Variants in SGCE observed in about 807,000 individuals in gnomAD.
The protein encoded by SGCE is epsilon-sarcoglycan.
In SGCE, 26 loss-of-function variants were observed where a neutral mutation model predicts 57.8. The ratio of observed to expected loss-of-function variants is 0.45; its 90% CI spans 0.33 to 0.62. SGCE has a LOEUF of 0.62. Among genes scored for constraint, SGCE ranks in the 20% least tolerant of loss-of-function variants. SGCE has a pLI of 0.02. For synonymous variants in SGCE, 183 were observed against 189.5 expected (o/e 0.97, Z 0.28); for missense variants, 468 against 548.6 (o/e 0.85, Z 1.47).
intron 1 of SGCE, among the ~76,000 whole-genome samples, chr7:94,647,308 C>T (rs145031287): frequency 1.6e-4 from 24 of 152,212 alleles, no homozygotes; most frequent in Admixed American, 9.8e-4. Flanking sequence ...AATCTCCTCC[C>T]GACAAACTTA....
chr7:94,654,994 T>A (rs1168516356), intron 1 of SGCE, among the ~76,000 whole-genome samples: 1 of 152,216 alleles, frequency 6.6e-6, no homozygotes, highest in East Asian at 1.9e-4. Context: ...TCCTTCCTCA[T>A]CAGAATTTTA....
chr7:94,610,245 C>T (rs958802016), intron 5 of SGCE, among the ~76,000 whole-genome samples: 1 of 152,110 alleles, frequency 6.6e-6, no homozygotes, highest in Non-Finnish European at 1.5e-5. Context: ...ACTTTTAAAG[C>T]AGTGAAACTA....
intron 1 of SGCE, among the ~76,000 whole-genome samples, chr7:94,649,498 C>A (rs192703273): frequency 6.6e-6 from 1 of 152,282 alleles, no homozygotes; most frequent in African/African-American, 2.4e-5. Context: ...TTACAAGTAG[C>A]CGCCTGTAGA....
At chr7:94,630,595 T>C (rs1804541349) in intron 1 of SGCE, among the ~76,000 whole-genome samples, 1 of 151,962 alleles carries the variant, frequency 6.6e-6, no homozygotes, top group Non-Finnish European at 1.5e-5. Flanking sequence ...AGACATATGA[T>C]ATGAGTACAT....
chr7:94,614,051 C>T (rs1801475559), intron 5 of SGCE, among the ~76,000 whole-genome samples: 1 of 143,526 alleles, frequency 7.0e-6, no homozygotes, highest in Non-Finnish European at 1.5e-5. Flanking sequence ...TAATAATTCT[C>T]TTGCAAGCCA....
chr7:94,598,983 A>C lies in SGCE; in HGVS notation c.1065-20T>G. 6.3e-7 allele frequency: 1 copy of C among 1,589,846 alleles called. No individual in the cohort carries two copies. The stretch of plus-strand genomic sequence containing the variant: ...TGGATGCTAGGTCAAAAAGAAATAA[A>C]ACAACATATATTTAAAATCATATAT... On this transcript the variant is annotated intron_variant, in intron 8 of 10. Coordinates refer to ENST00000648936, the MANE Select transcript of SGCE (RefSeq NM_003919.3).
chr7:94,625,830 G>A (rs973841909), intron 3 of SGCE: 1 of 151,986 alleles, frequency 6.6e-6, no homozygotes, highest in African/African-American at 2.4e-5. Context: ...CCAGTGTTGT[G>A]CTATACAAAT....
At chr7:94,623,193 T>C in intron 4 of SGCE, 132 bp downstream of exon 4, 2 of 589,518 alleles carry the variant, frequency 3.4e-6, no homozygotes, top group Non-Finnish European at 6.0e-6. Flanking sequence ...TTTTCTTTTC[T>C]ATATCTTATT....
intron 1 of SGCE, among the ~76,000 whole-genome samples, 191 bp downstream of exon 1, chr7:94,655,799 C>G (rs1808563994): frequency 6.6e-6 from 1 of 150,522 alleles, no homozygotes; most frequent in Non-Finnish European, 1.5e-5. Flanking sequence ...AGGGGTCAAG[C>G]CTGGGGAGAG....
intron 2 of SGCE, 88 bp from the exon 3 acceptor site, chr7:94,628,447 A>G: frequency 8.3e-7 from 1 of 1,205,572 alleles, no homozygotes; most frequent in Non-Finnish European, 1.2e-6. Context: ...TCTGTCTAAA[A>G]TTTTTTTCTT....
intron 1 of SGCE, among the ~76,000 whole-genome samples, chr7:94,642,304 T>TA (rs2117051900): frequency 6.6e-6 from 1 of 152,310 alleles, no homozygotes; most frequent in African/African-American, 2.4e-5. Context: ...AGATGAATAA[T>TA]ACAGGAGGCA....
At chr7:94,618,695 G>T (rs1436851256) in intron 5 of SGCE, 63 bp downstream of exon 5, 2 of 1,387,290 alleles carry the variant, frequency 1.4e-6, no homozygotes, top group Non-Finnish European at 2.0e-6. Context: ...TCTATAATAA[G>T]TTTGATAAGA....
intron 5 of SGCE, among the ~76,000 whole-genome samples, chr7:94,614,123 A>C (rs927109786): frequency 3.3e-5 from 5 of 151,340 alleles, no homozygotes; most frequent in African/African-American, 4.8e-5. Context: ...AAAAAAAAAA[A>C]AAAAAAACAC....
chr7:94,617,619 TA>T (rs1802123795), intron 5 of SGCE: 1 of 152,066 alleles, frequency 6.6e-6, no homozygotes, highest in African/African-American at 2.4e-5. Context: ...TGTTTTCATA[TA>T]GAAAGCCAAC....
chr7:94,619,682 G>C (rs1405263179), intron 4 of SGCE: 1 of 152,130 alleles, frequency 6.6e-6, no homozygotes, highest in Admixed American at 6.6e-5. Flanking sequence ...TAAGAATAAA[G>C]GTTAATTTTT....
At chr7:94,627,938 T>C (rs2116955834) in intron 3 of SGCE, 1 of 401,110 alleles carries the variant, frequency 2.5e-6, no homozygotes, top group East Asian at 4.4e-5. Flanking sequence ...ATAGAATTCA[T>C]ATTATAATAA....
chr7:94,630,625 G>T (rs557981086), intron 1 of SGCE, among the ~76,000 whole-genome samples: 3 of 151,974 alleles, frequency 2.0e-5, no homozygotes, highest in African/African-American at 7.2e-5. Context: ...CAATTGTTTT[G>T]ATTAGTTTCC....
intron 1 of SGCE, among the ~76,000 whole-genome samples, chr7:94,645,944 C>T (rs1164017575): frequency 1.3e-5 from 2 of 152,004 alleles, no homozygotes; most frequent in Non-Finnish European, 2.9e-5. Flanking sequence ...AATAATACTG[C>T]ACTCTCATTT....
intron 1 of SGCE, among the ~76,000 whole-genome samples, chr7:94,638,631 C>T (rs1369772622): frequency 7.4e-6 from 1 of 135,746 alleles, no homozygotes; most frequent in Non-Finnish European, 1.5e-5. Flanking sequence ...TGTGAAGGAT[C>T]ATAAAGCCAA....
Sources: allele counts gnomAD v4.1 joint callset (sites outside exome capture counted in the v4.1 genomes callset), GRCh38; gene constraint gnomAD v4.1.1; transcripts MANE v1.5; gene names NCBI Gene and HGNC (gene_info 2026-07-23, HGNC 2026-07-21).